Variants in CTNNA3 observed in about 807,000 individuals in gnomAD.
The protein encoded by CTNNA3 is catenin alpha 3, also known as catenin alpha-3.
A neutral mutation model predicts 95.7 loss-of-function variants in CTNNA3; 76 were observed. The observed-to-expected ratio is 0.79, with a 90% CI of 0.66 to 0.96. The LOEUF is 0.96. Among genes scored for constraint, CTNNA3 ranks in the 40% least tolerant of loss-of-function variants. CTNNA3 has a pLI of 0.00. For synonymous variants in CTNNA3, 431 were observed against 374.4 expected (o/e 1.15, Z -1.74); for missense variants, 1,191 against 1,089.8 (o/e 1.09, Z -1.31).
At chr10:67,703,461 C>T (rs1841057569) in intron 1 of CTNNA3, among the ~76,000 whole-genome samples, 1 of 152,112 alleles carries the variant, frequency 6.6e-6, no homozygotes, top group South Asian at 2.1e-4. Context: ...GGATGCAAGG[C>T]TGGTTCAATA....
At chr10:67,124,368 G>T (rs184033425) in intron 7 of CTNNA3, among the ~76,000 whole-genome samples, 4 of 148,832 alleles carry the variant, frequency 2.7e-5, no homozygotes, top group Non-Finnish European at 6.0e-5. Flanking sequence ...GTGTGTGTGT[G>T]TGTGTGGTCT....
At chr10:67,435,447 C>T (rs1365152634) in intron 5 of CTNNA3, among the ~76,000 whole-genome samples, 1 of 151,992 alleles carries the variant, frequency 6.6e-6, no homozygotes, top group Non-Finnish European at 1.5e-5. Context: ...TGCTCCTCTT[C>T]AACATAGTAC....
At chr10:66,917,008 C>G (rs1196707053) in intron 7 of CTNNA3, among the ~76,000 whole-genome samples, 1 of 152,142 alleles carries the variant, frequency 6.6e-6, no homozygotes, top group African/African-American at 2.4e-5. Context: ...GGTCATTGCC[C>G]TCATCCTTGT....
intron 1 of CTNNA3, among the ~76,000 whole-genome samples, chr10:67,727,693 AATAG>A (rs1461032978): frequency 2.3e-5 from 3 of 128,212 alleles, no homozygotes; most frequent in Non-Finnish European, 4.7e-5. Context: ...TATAATATAT[AATAG>A]ATCATAGATA....
chr10:66,239,375 C>T (rs1313354795), intron 13 of CTNNA3, among the ~76,000 whole-genome samples: 2 of 151,710 alleles, frequency 1.3e-5, no homozygotes, highest in African/African-American at 2.4e-5. Flanking sequence ...TGATTATGCC[C>T]AATCTTCTGC....
chr10:66,691,522 C>A (rs1025312093), intron 9 of CTNNA3, among the ~76,000 whole-genome samples: 1 of 152,130 alleles, frequency 6.6e-6, no homozygotes, highest in Non-Finnish European at 1.5e-5. Flanking sequence ...GGCTCCACCT[C>A]TGGGGGCAGG....
chr10:66,373,586 GCTCT>G (rs1191733630), intron 12 of CTNNA3, among the ~76,000 whole-genome samples: 1 of 122,746 alleles, frequency 8.1e-6, no homozygotes, highest in South Asian at 3.1e-4. Context: ...TCTTGTTAAT[GCTCT>G]CTAATTGTGT....
chr10:66,789,094 C>CA (rs1235321734), intron 7 of CTNNA3, among the ~76,000 whole-genome samples: 2 of 152,150 alleles, frequency 1.3e-5, no homozygotes, highest in Admixed American at 6.5e-5. Flanking sequence ...AGTACATGAA[C>CA]AAATATTTTT....
chr10:66,407,509 T>C (rs2093067321), intron 11 of CTNNA3, among the ~76,000 whole-genome samples: 4 of 152,148 alleles, frequency 2.6e-5, no homozygotes, highest in Admixed American at 6.6e-5. Context: ...TCTTTCTTAG[T>C]TCTTTAATTA....
chr10:66,431,713 C>T (rs1436275969), intron 11 of CTNNA3, among the ~76,000 whole-genome samples: 1 of 132,306 alleles, frequency 7.6e-6, no homozygotes, highest in Non-Finnish European at 1.5e-5. Context: ...CACTTGGACA[C>T]AGGAAGGGGA....
chr10:67,066,469 G>A (rs1209326740), intron 7 of CTNNA3, among the ~76,000 whole-genome samples: 1 of 150,572 alleles, frequency 6.6e-6, no homozygotes, highest in Admixed American at 6.6e-5. Context: ...AGAATTGTAG[G>A]TGTGAACCAC....
intron 4 of CTNNA3, among the ~76,000 whole-genome samples, chr10:67,523,301 C>T (rs189361751): frequency 3.8e-3 from 585 of 152,268 alleles, no homozygotes; most frequent in Non-Finnish European, 6.0e-3. Flanking sequence ...ACTGGAGAAA[C>T]TAGACATGAA....
chr10:66,846,691 T>G lies in CTNNA3; in HGVS notation c.1048-71167A>C, dbSNP rs543439859. Among the ~76,000 whole-genome samples, 5 of 152,298 alleles carry G rather than the reference T, an allele frequency of 3.3e-5. No individual in the cohort carries two copies. The South Asian group carries it at 1.0e-3, about 32-fold the overall frequency. On this transcript the variant is annotated intron_variant, in intron 7 of 17. Coordinates refer to ENST00000433211, the MANE Select transcript of CTNNA3 (RefSeq NM_013266.4). ...TTTTCAAGTGTTAATACTGTGACTCTCTTTTTAGGAATGGATTTCTGGAAT... is the reference window on the plus strand; with the variant it reads ...TTTTCAAGTGTTAATACTGTGACTCGCTTTTTAGGAATGGATTTCTGGAAT...
chr10:67,642,935 C>T (rs544058647), intron 2 of CTNNA3, among the ~76,000 whole-genome samples: 2 of 151,088 alleles, frequency 1.3e-5, no homozygotes, highest in African/African-American at 4.9e-5. Flanking sequence ...GACCTAGATG[C>T]AGAAATACCA....
chr10:66,609,024 A>T (rs1011746266), intron 10 of CTNNA3, among the ~76,000 whole-genome samples: 1 of 152,038 alleles, frequency 6.6e-6, no homozygotes, highest in Non-Finnish European at 1.5e-5. Flanking sequence ...TGGGAGATAC[A>T]TTCTGCAAAC....
intron 2 of CTNNA3, among the ~76,000 whole-genome samples, chr10:67,624,346 G>A (rs1313860249): frequency 2.0e-5 from 3 of 152,210 alleles, no homozygotes; most frequent in South Asian, 2.1e-4. Flanking sequence ...CATGCTCTGC[G>A]GGCCCAACAA....
At chr10:67,591,450 T>C (rs967748175) in intron 3 of CTNNA3, among the ~76,000 whole-genome samples, 1 of 152,080 alleles carries the variant, frequency 6.6e-6, no homozygotes, top group African/African-American at 2.4e-5. Context: ...AATGAGATGA[T>C]CAAGAAAAAT....
At chr10:67,460,797 C>CA (rs1413928632) in intron 5 of CTNNA3, among the ~76,000 whole-genome samples, 2 of 151,264 alleles carry the variant, frequency 1.3e-5, no homozygotes, top group African/African-American at 2.4e-5. Flanking sequence ...AGATACTAAC[C>CA]AAAAAAAGGA....
chr10:66,217,331 C>T (rs1229981235), intron 13 of CTNNA3, among the ~76,000 whole-genome samples: 2 of 140,052 alleles, frequency 1.4e-5, no homozygotes, highest in Non-Finnish European at 3.0e-5. Context: ...CTAGCCTGGG[C>T]GACAGAGCGA....
Sources: allele counts gnomAD v4.1 joint callset (sites outside exome capture counted in the v4.1 genomes callset), GRCh38; gene constraint gnomAD v4.1.1; transcripts MANE v1.5; gene names NCBI Gene and HGNC (gene_info 2026-07-23, HGNC 2026-07-21).